The following RAD23A variants were observed in gnomAD, a reference collection of about 807,000 sequenced individuals.
RAD23A encodes RAD23 nucleotide excision repair protein A, also known as lysine-specific demethylase RAD23A.
A neutral mutation model predicts 44.8 loss-of-function variants in RAD23A; 16 were observed. The ratio of observed to expected loss-of-function variants is 0.36; its 90% CI spans 0.24 to 0.54. The LOEUF (loss-of-function observed/expected upper bound fraction) is 0.54. RAD23A is among the 20% of genes least tolerant of loss of function. The pLI is 0.89. For synonymous variants in RAD23A, 217 were observed against 202.9 expected (o/e 1.07, Z -0.59); for missense variants, 380 against 483.3 (o/e 0.79, Z 2.00).
At chr19:12,949,196 C>A (rs1971742531) in intron 6 of RAD23A, 37 bp downstream of exon 6, 1 of 1,614,126 alleles carries the variant, frequency 6.2e-7, no homozygotes, top group Non-Finnish European at 8.5e-7. Flanking sequence ...CTCCAGGTAC[C>A]TGACTCACAT....
At chr19:12,952,884 G>A (rs1317059938) in intron 8 of RAD23A, 31 bp downstream of exon 8, 5 of 1,605,408 alleles carry the variant, frequency 3.1e-6, no homozygotes, top group Non-Finnish European at 4.3e-6. Flanking sequence ...GTGACTGCAG[G>A]TGGGCAGGAC....
chr19:12,949,192 G>A (rs761573312), intron 6 of RAD23A, 33 bp downstream of exon 6: 1 of 1,614,086 alleles, frequency 6.2e-7, no homozygotes, highest in Non-Finnish European at 8.5e-7. Flanking sequence ...TGCCCTCCAG[G>A]TACCTGACTC....
Position 12,948,504 on chromosome 19 carries a change from C to T in RAD23A, c.424C>T (p.Pro142Ser). 2 of 1,592,070 alleles carry T rather than the reference C, an allele frequency of 1.3e-6. No homozygotes were observed. Among genetic ancestry groups the T allele is most frequent in the Non-Finnish European group, 8.6e-7 (1 of 1,168,962 alleles). The change falls in exon 4 of 9, where the codon CCC becomes TCC. Residue 142 changes from proline to serine, a missense_variant. Physicochemically the swap from Pro to Ser is moderately conservative, Grantham distance 74. Transcript: ENST00000586534. The surrounding 1 kb of genome is among the most constrained non-coding windows in gnomAD (Gnocchi z 5.5). ...TSPESVSGSV[P>S]SSGSSGREED... ...TCTCTCTTGAATTTGCAGCTCTGTT[C>T]CCTCTTCAGGTAGCAGCGGGCGAGA...
intron 1 of RAD23A, among the ~76,000 whole-genome samples, chr19:12,946,562 C>G (rs1404353403): frequency 6.6e-6 from 1 of 152,146 alleles, no homozygotes; most frequent in Non-Finnish European, 1.5e-5. Flanking sequence ...GCAAAACGGG[C>G]TTGTCATTGG....
intron 7 of RAD23A, among the ~76,000 whole-genome samples, chr19:12,951,605 C>T (rs1971813842): frequency 6.6e-6 from 1 of 152,110 alleles, no homozygotes; most frequent in Admixed American, 6.6e-5. Context: ...TGCCACCACG[C>T]CCTGCTAATT....
intron 7 of RAD23A, among the ~76,000 whole-genome samples, chr19:12,951,975 T>C (rs891670423): frequency 2.0e-5 from 3 of 152,180 alleles, no homozygotes; most frequent in Non-Finnish European, 4.4e-5. Flanking sequence ...CAGGCTGGAG[T>C]GCAGTGGCAC....
At chr19:12,950,450 G>A (rs1336049051) in intron 7 of RAD23A, among the ~76,000 whole-genome samples, 1 of 151,936 alleles carries the variant, frequency 6.6e-6, no homozygotes, top group Non-Finnish European at 1.5e-5. Context: ...TGTCGCCCAG[G>A]CTGGAGTGCA....
At chr19:12,946,425 T>G (rs903716973) in intron 1 of RAD23A, among the ~76,000 whole-genome samples, 14 of 152,064 alleles carry the variant, frequency 9.2e-5, no homozygotes, top group African/African-American at 3.4e-4. Flanking sequence ...AGATACTGAG[T>G]AGTGACGACA....
At chr19:12,951,121 G>C (rs142652128) in intron 7 of RAD23A, among the ~76,000 whole-genome samples, 3 of 152,320 alleles carry the variant, frequency 2.0e-5, no homozygotes, top group Admixed American at 6.5e-5. Context: ...CCAACACCCA[G>C]ATGAGTTCAC....
Position 12,948,329 on chromosome 19 carries a change from C to G in RAD23A, c.387C>G (p.Ala129=). 1 of 1,601,306 alleles carries G rather than the reference C, an allele frequency of 6.2e-7. No homozygotes were observed. The change falls in exon 3 of 9, where the codon GCC becomes GCG. Residue 129 remains alanine (A), a synonymous_variant. Coordinates refer to ENST00000586534, the MANE Select transcript of RAD23A (RefSeq NM_005053.4). This position sits in a 1 kb window ranked among gnomAD's most constrained non-coding sequence, Gnocchi z 5.5. ...ACAAGAGCCCATCAGAGGAATCCGC[C>G]CCCACGACGTCCCCAGAGTCTGTGT... The part of the protein sequence containing the change: ...REDKSPSEES[A]PTTSPESVSG...
chr19:12,953,027 G>A lies in RAD23A; in HGVS notation c.1070G>A (p.Ser357Asn), dbSNP rs775051740. The change falls in exon 9 of 9, where the codon AGT becomes AAT. Residue 357 changes from serine (S) to asparagine (N), a missense_variant. By Grantham distance (46) the Ser-to-Asn change is conservative. Transcript: ENST00000586534. Reference protein sequence around the residue: ...NENLAANFLLSQNFDDE With the variant: ...NENLAANFLLNQNFDDE ...AACTTGGCTGCCAACTTCCTCCTGA[G>A]TCAGAACTTTGATGACGAGTGATGC... The A allele has an allele frequency of 1.9e-6, 3 of 1,613,922 alleles. No homozygotes were observed. Among genetic ancestry groups the A allele is most frequent in the Non-Finnish European group, 2.5e-6 (3 of 1,179,992 alleles).
Position 12,948,099 on chromosome 19 carries a change from A to G in RAD23A, c.235-78A>G. The G allele has an allele frequency of 6.2e-7, 1 of 1,607,078 alleles. No homozygotes were observed. Among genetic ancestry groups the G allele is most frequent in the East Asian group, 2.2e-5 (1 of 44,840 alleles). On this transcript the variant is annotated intron_variant, in intron 2 of 8. Coordinates refer to ENST00000586534, the MANE Select transcript of RAD23A (RefSeq NM_005053.4). The surrounding 1 kb of genome is among the most constrained non-coding windows in gnomAD (Gnocchi z 5.5). ...TGCCCAGGAGAGATTAGCTGTGAACAGGGCGGGGCCACAGCGGAGCGGGTT... is the reference window on the plus strand; with the variant it reads ...TGCCCAGGAGAGATTAGCTGTGAACGGGGCGGGGCCACAGCGGAGCGGGTT...
In RAD23A at chr19:12,948,567, C is replaced by A. The variant is rs1215548500; in HGVS notation, c.472+15C>A. ...CTCCACGCTAGGTGGGTGGGTGGTC[C>A]CCAGGGCAGAGGTGACTGGGTGCCC... On this transcript the variant is annotated intron_variant, in intron 4 of 8. Transcript: ENST00000586534. The surrounding 1 kb of genome is among the most constrained non-coding windows in gnomAD (Gnocchi z 5.5). The A allele has an allele frequency of 6.3e-7, 1 of 1,588,206 alleles. No homozygotes were observed. Among genetic ancestry groups the A allele is most frequent in the Admixed American group, 1.8e-5 (1 of 56,204 alleles).
chr19:12,946,061 T>G (rs1971661856), intron 1 of RAD23A, 41 bp downstream of exon 1: 5 of 631,820 alleles, frequency 7.9e-6, no homozygotes, highest in Admixed American at 2.8e-5. Context: ...AGCGACGGGT[T>G]TCGGGGGTGG....
chr19:12,947,966 A>G lies in RAD23A; in HGVS notation c.191A>G (p.Tyr64Cys), dbSNP rs772935104. 21 of 1,613,886 alleles carry G rather than the reference A, an allele frequency of 1.3e-5. No homozygotes were observed. Among genetic ancestry groups the G allele is most frequent in the East Asian group, 6.7e-5 (3 of 44,898 alleles). ...ILSDDVPIRD[Y>C]RIDEKNFVVV... ...AGTGACGATGTCCCTATCAGGGACT[A>G]TCGCATCGATGAGAAGAACTTTGTG... The change falls in exon 2 of 9, where the codon TAT (tyrosine) becomes TGT (cysteine). Residue 64 changes from tyrosine (Y) to cysteine (C), a missense_variant. This residue lies in a region of RAD23A where 70 missense variants were observed against 106.0 expected (regional missense o/e 0.66). Transcript: ENST00000586534.
intron 5 of RAD23A, 27 bp from the exon 6 acceptor site, chr19:12,949,054 A>G (rs1165568846): frequency 7.5e-6 from 12 of 1,602,766 alleles, no homozygotes; most frequent in Non-Finnish European, 1.0e-5. Flanking sequence ...AGGTCTGTGC[A>G]TTAGAACTAA....
chr19:12,946,658 T>G (rs1380667696), intron 1 of RAD23A, among the ~76,000 whole-genome samples: 1 of 152,150 alleles, frequency 6.6e-6, no homozygotes, highest in African/African-American at 2.4e-5. Flanking sequence ...AGAGCTGGGA[T>G]TCAAATTCGG....
In RAD23A at chr19:12,953,044, G is replaced by T; in HGVS notation, c.1087G>T (p.Glu363Ter). 1 of 1,613,666 alleles carries T rather than the reference G, an allele frequency of 6.2e-7. No individual in the cohort carries two copies. Among genetic ancestry groups the T allele is most frequent in the Non-Finnish European group, 8.5e-7 (1 of 1,179,798 alleles). ...NFLLSQNFDDE is the reference protein window; with the variant it reads ...NFLLSQNFDD ...CCTCCTGAGTCAGAACTTTGATGAC[G>T]AGTGATGCCAGGAAGCCAGGCCACC... The change falls in exon 9 of 9, where the codon GAG becomes TAG. Residue 363 changes from glutamate to a stop codon, truncating the protein, a stop_gained. Transcript: ENST00000586534. LOFTEE classifies it high-confidence loss of function.
intron 7 of RAD23A, 128 bp from the exon 8 acceptor site, chr19:12,952,561 G>T: frequency 8.3e-6 from 9 of 1,086,506 alleles, no homozygotes; most frequent in Non-Finnish European, 1.2e-5. Flanking sequence ...CTGCTATGTT[G>T]TGTTTGGCCA....
Sources: gnomAD v4.1 joint callset for allele counts (sites outside exome capture counted in the v4.1 genomes callset) on GRCh38, gnomAD v4.1.1 for gene constraint, gnomAD v4.1.1 regional missense constraint, Gnocchi (gnomAD v3.1) non-coding constraint, MANE v1.5 for transcripts, NCBI Gene and HGNC (gene_info 2026-07-23, HGNC 2026-07-21) for gene names.